The following UPP2 variants were observed in gnomAD, a reference collection of about 807,000 sequenced individuals.
UPP2 encodes uridine phosphorylase 2, also known as UPase 2.
In UPP2, 23 loss-of-function variants were observed where a neutral mutation model predicts 26.7. The observed-to-expected ratio is 0.86, with a 90% CI of 0.62 to 1.22. UPP2 has a LOEUF of 1.22. UPP2 is among the 50% of genes most tolerant of loss of function. The probability of loss-of-function intolerance (pLI) is 0.00; values close to 1 mark genes in which losing one functional copy is unlikely to be tolerated. For synonymous variants in UPP2, 127 were observed against 141.3 expected, an observed-to-expected ratio of 0.90 and a Z score of 0.72; for missense variants, 387 against 396.7, an observed-to-expected ratio of 0.98 and a Z score of 0.21.
At chr2:158,049,457 T>C (rs1682109406) in intron 3 of UPP2, among the ~76,000 whole-genome samples, 1 of 152,236 alleles carries the variant, frequency 6.6e-6, no homozygotes, top group Admixed American at 6.5e-5. Flanking sequence ...TTTTGTTAAA[T>C]GTTCTTTCCC....
chr2:158,087,797 T>A (rs1289353681), intron 3 of UPP2, among the ~76,000 whole-genome samples: 3 of 152,134 alleles, frequency 2.0e-5, no homozygotes, highest in Non-Finnish European at 4.4e-5. Context: ...AATTGTTTTG[T>A]TTAAGGAGAT....
At chr2:158,065,509 T>C (rs959153690) in intron 3 of UPP2, 17 of 377,186 alleles carry the variant, frequency 4.5e-5, no homozygotes, top group Non-Finnish European at 8.3e-5. Context: ...TAAAATTCTT[T>C]CATAACCCTA....
chr2:158,046,570 A>G (rs533843698), intron 3 of UPP2, among the ~76,000 whole-genome samples: 2 of 152,230 alleles, frequency 1.3e-5, no homozygotes, highest in Non-Finnish European at 2.9e-5. Context: ...AGGTAGATAA[A>G]TTAATAGTCA....
At chr2:158,077,058 T>G (rs1263089097) in intron 3 of UPP2, among the ~76,000 whole-genome samples, 1 of 151,824 alleles carries the variant, frequency 6.6e-6, no homozygotes, top group Non-Finnish European at 1.5e-5. Context: ...AAAAAAGTAA[T>G]CTTATTTACA....
intron 2 of UPP2, among the ~76,000 whole-genome samples, chr2:158,003,029 G>T (rs1683433404): frequency 6.6e-6 from 1 of 152,140 alleles, no homozygotes. Flanking sequence ...TACCAAAGAT[G>T]CTAACATATT....
chr2:158,120,528 G>A (rs891469422), intron 4 of UPP2, among the ~76,000 whole-genome samples: 2 of 152,012 alleles, frequency 1.3e-5, no homozygotes, highest in African/African-American at 4.8e-5. Context: ...ACTTTATAGA[G>A]TTTATGTTCT....
intron 2 of UPP2, among the ~76,000 whole-genome samples, chr2:157,995,758 A>G (rs1311715436): frequency 1.3e-5 from 2 of 152,158 alleles, no homozygotes; most frequent in Admixed American, 1.3e-4. Context: ...AATGGTGGGC[A>G]TAATTTTTTG....
chr2:158,128,608 A>C lies in UPP2; in HGVS notation c.811+4713A>C, dbSNP rs571147024. Among the ~76,000 whole-genome samples the C allele has an allele frequency of 9.5e-4, 145 of 152,316 alleles. 4 individuals are homozygous for C. The South Asian group carries it at 0.024, about 25-fold the overall frequency. ...GGTTAAATAACTTTCCCACCTTCTC[A>C]GAGCTGGGAAACAGGTGAGCTGGAC... On this transcript the variant is annotated intron_variant, in intron 6 of 6. Coordinates refer to ENST00000005756, the MANE Select transcript of UPP2 (RefSeq NM_173355.4).
chr2:158,018,653 C>T (rs1347453598), intron 3 of UPP2, among the ~76,000 whole-genome samples: 2 of 152,220 alleles, frequency 1.3e-5, no homozygotes, highest in South Asian at 2.1e-4. Context: ...GGACAGCTAC[C>T]TGTTACTTTA....
At position 158,115,266 on chromosome 2, in the gene UPP2, A is replaced by G. The variant is rs1683404686; in HGVS notation, c.339+7A>G. ...GCCTGTGCTCGCCATCAGTGTAAGTATCCATGGTTGCATTTCAGCTAGTCA... is the reference window on the plus strand; with the variant it reads ...GCCTGTGCTCGCCATCAGTGTAAGTGTCCATGGTTGCATTTCAGCTAGTCA... On this transcript the variant is annotated splice_region_variant and intron_variant, in intron 3 of 6. Transcript: ENST00000005756. The G allele has an allele frequency of 6.3e-7, 1 of 1,593,306 alleles. No individual in the cohort carries two copies. Among genetic ancestry groups the G allele is most frequent in the Non-Finnish European group, 8.5e-7 (1 of 1,170,562 alleles).
chr2:158,132,992 T>G (rs1181969571), intron 6 of UPP2, among the ~76,000 whole-genome samples: 1 of 152,172 alleles, frequency 6.6e-6, no homozygotes, highest in Non-Finnish European at 1.5e-5. Flanking sequence ...AGAATTCCCA[T>G]ATAAGCTAGC....
intron 3 of UPP2, chr2:158,066,044 T>C: frequency 3.3e-6 from 1 of 305,716 alleles, no homozygotes. Flanking sequence ...CCAGTGGTCA[T>C]AGATACAACT....
intron 3 of UPP2, among the ~76,000 whole-genome samples, chr2:158,086,583 A>G (rs1558926055): frequency 1.3e-5 from 2 of 151,548 alleles, no homozygotes; most frequent in Non-Finnish European, 2.9e-5. Flanking sequence ...GTGACCTTAG[A>G]TTGTCTATTT....
chr2:158,019,411 G>T (rs1683712018), intron 3 of UPP2, among the ~76,000 whole-genome samples: 1 of 152,114 alleles, frequency 6.6e-6, no homozygotes, highest in South Asian at 2.1e-4. Context: ...GACCTTGTGG[G>T]TTGGGGTGGG....
chr2:158,053,040 G>T (rs2105172819), intron 3 of UPP2, among the ~76,000 whole-genome samples: 1 of 152,252 alleles, frequency 6.6e-6, no homozygotes, highest in East Asian at 1.9e-4. Flanking sequence ...GGAAAGGATG[G>T]GAAAAGAAGA....
chr2:158,088,640 G>T lies in UPP2; in HGVS notation c.148-13400G>T, dbSNP rs141580104. Reference sequence around the variant, plus strand: ...CAGAGGGAAGATCTTGGGCTCAAGGGCTGCTGTTCAGATTCTTTTGTCCCA... The same window carrying T: ...CAGAGGGAAGATCTTGGGCTCAAGGTCTGCTGTTCAGATTCTTTTGTCCCA... On this transcript the variant is annotated intron_variant, in intron 3 of 9. Transcript: ENST00000605860. Among the ~76,000 whole-genome samples, 363 of 152,270 alleles carry T rather than the reference G, an allele frequency of 2.4e-3. 5 individuals carry two copies. The East Asian group carries it at 0.042, about 18-fold the overall frequency.
At chr2:158,069,435 T>C (rs1682502113) in intron 3 of UPP2, among the ~76,000 whole-genome samples, 1 of 152,196 alleles carries the variant, frequency 6.6e-6, no homozygotes, top group Admixed American at 6.5e-5. Flanking sequence ...TGTGGGCAGC[T>C]TCTCCAGTGT....
At chr2:158,044,784 CAG>C (rs1198548031) in intron 3 of UPP2, among the ~76,000 whole-genome samples, 1 of 152,098 alleles carries the variant, frequency 6.6e-6, no homozygotes, top group Non-Finnish European at 1.5e-5. Flanking sequence ...AGACGGTAAC[CAG>C]AGAGTCCTCT....
chr2:158,065,107 C>A (rs1436772986), intron 3 of UPP2, among the ~76,000 whole-genome samples: 1 of 152,186 alleles, frequency 6.6e-6, no homozygotes, highest in African/African-American at 2.4e-5. Flanking sequence ...TAAACACATT[C>A]CTCAGTTCTG....
Sources: gnomAD v4.1 joint callset for allele counts (sites outside exome capture counted in the v4.1 genomes callset) on GRCh38, gnomAD v4.1.1 for gene constraint, MANE v1.5 for transcripts, NCBI Gene and HGNC (gene_info 2026-07-23, HGNC 2026-07-21) for gene names.